RALYL: variants seen among roughly 807,000 people sequenced by gnomAD.
RALYL encodes the protein RNA-binding Raly-like protein.
RALYL carries 29 observed loss-of-function variants against 35.1 expected under a neutral mutation model. That is an observed-to-expected ratio of 0.83 (90% confidence interval 0.61 to 1.13). RALYL has a LOEUF of 1.13. Ranked by LOEUF, RALYL falls within the 50% of genes most tolerant of loss-of-function variation. The probability of loss-of-function intolerance (pLI) is 0.00; values close to 1 mark genes in which losing one functional copy is unlikely to be tolerated. For missense variants in RALYL, 359 were observed against 360.4 expected (o/e 1.00, Z 0.03); for synonymous variants, 120 against 127.6 (o/e 0.94, Z 0.40).
chr8:84,276,327 G>A (rs577753430), intron 1 of RALYL, among the ~76,000 whole-genome samples: 56 of 152,150 alleles, frequency 3.7e-4, no homozygotes, highest in African/African-American at 1.3e-3. Flanking sequence ...CATCTGTAAG[G>A]CACCTTTATG....
intron 2 of RALYL, among the ~76,000 whole-genome samples, chr8:84,718,695 G>A (rs1380613760): frequency 6.6e-6 from 1 of 151,972 alleles, no homozygotes; most frequent in Non-Finnish European, 1.5e-5. Context: ...AGCTCAAGAG[G>A]CAGAGGTTGC....
Position 84,370,434 on chromosome 8 carries a change from C to CCACA in RALYL, c.-23-158846_-23-158843dup, listed in dbSNP as rs34035078. 2.8e-3 allele frequency among the ~76,000 whole-genome samples: 422 copies of CCACA among 148,322 alleles called. 1 individual carries two copies. Among genetic ancestry groups the CCACA allele is most frequent in the Middle Eastern group, 0.01 (3 of 286 alleles). On this transcript the variant is annotated intron_variant, in intron 1 of 8. Coordinates refer to ENST00000521268, the MANE Select transcript of RALYL (RefSeq NM_173848.7). ...AGAACATGGGAAATTTTACATACAA[C>CCACA]CACACACACACACACACACACATAT...
At chr8:84,236,219 G>A (rs1826516961) in intron 1 of RALYL, among the ~76,000 whole-genome samples, 1 of 152,096 alleles carries the variant, frequency 6.6e-6, no homozygotes, top group Admixed American at 6.6e-5. Context: ...GGAAAGATGA[G>A]AACACCATAT....
intron 2 of RALYL, among the ~76,000 whole-genome samples, chr8:84,699,789 T>C (rs970344376): frequency 2.6e-5 from 4 of 152,190 alleles, no homozygotes; most frequent in African/African-American, 9.6e-5. Context: ...GTACCTTTTA[T>C]GTGGCTATCA....
chr8:84,514,112 A>AGAAAG (rs1376004639), intron 1 of RALYL, among the ~76,000 whole-genome samples: 1 of 140,038 alleles, frequency 7.1e-6, no homozygotes, highest in African/African-American at 2.7e-5. Context: ...AAAAAAAAAA[A>AGAAAG]AAAGAAAGAA....
intron 1 of RALYL, among the ~76,000 whole-genome samples, chr8:84,490,946 G>A (rs1447953447): frequency 6.6e-6 from 1 of 151,708 alleles, no homozygotes; most frequent in Admixed American, 6.6e-5. Context: ...GTTGGAGGAA[G>A]GATTCCATTT....
At chr8:84,239,988 A>G (rs906787407) in intron 1 of RALYL, among the ~76,000 whole-genome samples, 5 of 152,224 alleles carry the variant, frequency 3.3e-5, no homozygotes, top group African/African-American at 1.2e-4. Flanking sequence ...CTTTCTACTT[A>G]AAATTGATTT....
At chr8:84,237,835 G>C (rs1227979963) in intron 1 of RALYL, among the ~76,000 whole-genome samples, 5 of 151,990 alleles carry the variant, frequency 3.3e-5, no homozygotes, top group African/African-American at 1.2e-4. Context: ...AAAAACTGAG[G>C]AGATGAATTA....
chr8:84,527,409 G>A (rs946872814), intron 1 of RALYL, among the ~76,000 whole-genome samples: 1 of 152,174 alleles, frequency 6.6e-6, no homozygotes, highest in African/African-American at 2.4e-5. Flanking sequence ...ATCTAATCTA[G>A]CAATTCTTGT....
rs548760199 is a variant in RALYL, at chr8:84,517,795, A to G, written c.-23-11504A>G. 2.0e-5 allele frequency among the ~76,000 whole-genome samples: 3 copies of G among 152,330 alleles called. No individual in the cohort carries two copies. In the South Asian group the frequency reaches 6.2e-4, roughly 32 times the overall value. On this transcript the variant is annotated intron_variant, in intron 1 of 8. Transcript: ENST00000521268. Reference sequence around the variant, plus strand: ...TATTCTGAATAATAACTAAGCTAATATTTTAAAATTACCTCTTATATGCCA... The same window carrying G: ...TATTCTGAATAATAACTAAGCTAATGTTTTAAAATTACCTCTTATATGCCA...
At chr8:84,416,582 T>C (rs2044730289) in intron 1 of RALYL, among the ~76,000 whole-genome samples, 1 of 152,196 alleles carries the variant, frequency 6.6e-6, no homozygotes, top group East Asian at 1.9e-4. Context: ...TTTTTTCATG[T>C]GTAAATGTGG....
At chr8:84,848,837 A>C (rs1835219596) in intron 4 of RALYL, among the ~76,000 whole-genome samples, 1 of 152,178 alleles carries the variant, frequency 6.6e-6, no homozygotes. Context: ...CGAGTAAGTA[A>C]ACTTTTTTTT....
chr8:84,835,553 C>G (rs1831811206), intron 4 of RALYL, among the ~76,000 whole-genome samples: 1 of 146,964 alleles, frequency 6.8e-6, no homozygotes, highest in East Asian at 2.0e-4. Context: ...CATGGTGGTG[C>G]ATGCCTGTAA....
intron 1 of RALYL, among the ~76,000 whole-genome samples, chr8:84,264,425 G>T (rs906045110): frequency 1.1e-4 from 16 of 146,690 alleles, no homozygotes; most frequent in Admixed American, 1.1e-3. Flanking sequence ...AGATGTGTCT[G>T]TGTCCGTTGC....
intron 2 of RALYL, among the ~76,000 whole-genome samples, chr8:84,745,277 C>T (rs1011095975): frequency 1.3e-5 from 2 of 151,886 alleles, no homozygotes; most frequent in African/African-American, 4.8e-5. Context: ...CGAACTGCCA[C>T]GTTTATGATA....
intron 1 of RALYL, among the ~76,000 whole-genome samples, chr8:84,289,268 A>T (rs1484660766): frequency 6.6e-6 from 1 of 152,182 alleles, no homozygotes; most frequent in Non-Finnish European, 1.5e-5. Context: ...TAAAACTGGC[A>T]AGAGGCTTTT....
chr8:84,317,002 A>C (rs1215449214), intron 1 of RALYL, among the ~76,000 whole-genome samples: 1 of 151,408 alleles, frequency 6.6e-6, no homozygotes, highest in African/African-American at 2.4e-5. Flanking sequence ...TCTCAAAAGC[A>C]CTCCAGAGCT....
intron 2 of RALYL, among the ~76,000 whole-genome samples, chr8:84,595,619 T>A (rs149022005): frequency 0.015 from 2,314 of 152,210 alleles, 29 homozygotes; most frequent in Middle Eastern, 0.058. Flanking sequence ...TGTTTGAAAC[T>A]GTTCTTTCAA....
intron 8 of RALYL, among the ~76,000 whole-genome samples, chr8:84,913,842 G>A (rs1387806459): frequency 2.0e-5 from 3 of 151,620 alleles, no homozygotes; most frequent in Non-Finnish European, 1.5e-5. Context: ...AAAAAAAGGA[G>A]GGTTATGTAT....
Sources: allele counts gnomAD v4.1 joint callset (sites outside exome capture counted in the v4.1 genomes callset), GRCh38; gene constraint gnomAD v4.1.1; transcripts MANE v1.5; gene names NCBI Gene and HGNC (gene_info 2026-07-23, HGNC 2026-07-21).